The following SPOCK3 variants were observed in gnomAD, a reference collection of about 807,000 sequenced individuals.
SPOCK3 encodes testican-3.
Under a neutral mutation model 56.6 loss-of-function variants are expected in SPOCK3, and 30 were observed. The ratio of observed to expected loss-of-function variants is 0.53; its 90% CI spans 0.40 to 0.72. The LOEUF (loss-of-function observed/expected upper bound fraction) is 0.72. SPOCK3 is among the 30% of genes least tolerant of loss of function. The probability of loss-of-function intolerance (pLI) is 0.00; values close to 1 mark genes in which losing one functional copy is unlikely to be tolerated. For missense variants in SPOCK3, 527 were observed against 530.0 expected, an observed-to-expected ratio of 0.99 and a Z score of 0.06; for synonymous variants, 196 against 183.3, an observed-to-expected ratio of 1.07 and a Z score of -0.56.
chr4:166,899,000 A>G (rs968539611), intron 5 of SPOCK3, among the ~76,000 whole-genome samples: 2 of 152,030 alleles, frequency 1.3e-5, no homozygotes, highest in Non-Finnish European at 2.9e-5. Flanking sequence ...AGGCCTAGGC[A>G]GTGCAAATTG....
chr4:166,743,635 T>A (rs1735165356), intron 8 of SPOCK3, among the ~76,000 whole-genome samples: 1 of 152,142 alleles, frequency 6.6e-6, no homozygotes, highest in Admixed American at 6.6e-5. Context: ...CCACAGAGTA[T>A]GAGCCGAAGC....
chr4:166,880,815 C>A (rs1257173771), intron 6 of SPOCK3, among the ~76,000 whole-genome samples: 1 of 152,142 alleles, frequency 6.6e-6, no homozygotes, highest in African/African-American at 2.4e-5. Flanking sequence ...TCAATTCTTA[C>A]CAACTTCCTA....
At position 166,892,501 on chromosome 4, in the gene SPOCK3, A is replaced by G. The variant is rs550574995; in HGVS notation, c.475-3257T>C. 1.4e-4 allele frequency among the ~76,000 whole-genome samples: 22 copies of G among 152,176 alleles called. No homozygotes were observed. In the East Asian group the frequency reaches 4.2e-3, roughly 29 times the overall value. ...TGGAGAATTTTACTCAAAGAATATT[A>G]GGACATTAAAAAATGCTACTTTAAA... On this transcript the variant is annotated intron_variant, in intron 5 of 10. Transcript: ENST00000357545.
At chr4:167,135,325 C>T (rs1457398444) in intron 2 of SPOCK3, among the ~76,000 whole-genome samples, 1 of 151,952 alleles carries the variant, frequency 6.6e-6, no homozygotes, top group Non-Finnish European at 1.5e-5. Context: ...TAAGAGATGA[C>T]AATGTTCAAT....
At chr4:167,019,769 G>A (rs374421252) in intron 3 of SPOCK3, among the ~76,000 whole-genome samples, 3 of 152,048 alleles carry the variant, frequency 2.0e-5, no homozygotes, top group East Asian at 1.9e-4. Context: ...TTCATTTTCC[G>A]ACCTTCTTTT....
intron 4 of SPOCK3, among the ~76,000 whole-genome samples, chr4:166,951,766 G>A (rs1289088210): frequency 1.3e-5 from 2 of 150,564 alleles, no homozygotes; most frequent in East Asian, 3.9e-4. Flanking sequence ...TGGGATGCAA[G>A]GCGGGTTCAA....
chr4:167,146,435 T>A (rs1243464034), intron 2 of SPOCK3, among the ~76,000 whole-genome samples: 2 of 152,022 alleles, frequency 1.3e-5, no homozygotes, highest in Non-Finnish European at 2.9e-5. Context: ...ATCCAGGAGT[T>A]GAACTCAGCT....
intron 2 of SPOCK3, among the ~76,000 whole-genome samples, chr4:167,178,895 T>C (rs1489413420): frequency 6.6e-6 from 1 of 152,122 alleles, no homozygotes; most frequent in African/African-American, 2.4e-5. Flanking sequence ...AAGAGAATTG[T>C]TTAATTGGTT....
At chr4:166,839,100 T>TG (rs969163728) in intron 6 of SPOCK3, among the ~76,000 whole-genome samples, 3 of 152,170 alleles carry the variant, frequency 2.0e-5, no homozygotes, top group African/African-American at 7.2e-5. Context: ...CCTAGACATT[T>TG]GGGGTACTAA....
chr4:166,771,477 G>A (rs1738922635), intron 7 of SPOCK3, among the ~76,000 whole-genome samples: 1 of 152,032 alleles, frequency 6.6e-6, no homozygotes, highest in Admixed American at 6.6e-5. Flanking sequence ...GCAAGGTAGT[G>A]GTAGAACACA....
chr4:167,026,738 G>A (rs368912151), intron 3 of SPOCK3, among the ~76,000 whole-genome samples: 226 of 151,182 alleles, frequency 1.5e-3, no homozygotes, highest in African/African-American at 5.1e-3. Flanking sequence ...TATGCATTTT[G>A]AATATAATTC....
intron 6 of SPOCK3, 84 bp downstream of exon 6, chr4:166,889,046 G>T (rs1734488893): frequency 1.2e-6 from 1 of 811,998 alleles, no homozygotes; most frequent in Non-Finnish European, 2.1e-6. Flanking sequence ...AAACTTCATT[G>T]TGTATTTAAT....
intron 4 of SPOCK3, among the ~76,000 whole-genome samples, chr4:166,948,786 CA>C (rs1208919938): frequency 6.6e-6 from 1 of 152,050 alleles, no homozygotes; most frequent in African/African-American, 2.4e-5. Flanking sequence ...TTTTTTCCTT[CA>C]TTTCAACTTT....
At chr4:167,151,881 A>C (rs1438072027) in intron 2 of SPOCK3, among the ~76,000 whole-genome samples, 1 of 152,204 alleles carries the variant, frequency 6.6e-6, no homozygotes, top group Non-Finnish European at 1.5e-5. Flanking sequence ...TTTCATTGCT[A>C]TGCTCTGCTA....
At chr4:166,826,417 A>C (rs1745488099) in intron 6 of SPOCK3, among the ~76,000 whole-genome samples, 1 of 152,106 alleles carries the variant, frequency 6.6e-6, no homozygotes, top group African/African-American at 2.4e-5. Flanking sequence ...GAATATGATA[A>C]TTTAATAGAC....
chr4:166,929,339 C>T (rs1739473529), intron 4 of SPOCK3, among the ~76,000 whole-genome samples: 1 of 152,136 alleles, frequency 6.6e-6, no homozygotes, highest in Non-Finnish European at 1.5e-5. Flanking sequence ...GATTTTCATG[C>T]ATATTCTAAA....
intron 2 of SPOCK3, among the ~76,000 whole-genome samples, chr4:167,108,827 C>T (rs1760422476): frequency 6.7e-6 from 1 of 148,674 alleles, no homozygotes; most frequent in African/African-American, 2.5e-5. Context: ...GTTTGTTACA[C>T]AAAGGATACA....
Position 166,856,045 on chromosome 4 carries a change from T to A in SPOCK3, c.589+33085A>T, listed in dbSNP as rs1241884557. ...GACAAATATGGCAGGTACAGCAAGA[T>A]AAGTATGGCAGACAGAAAGAAAGAC... On this transcript the variant is annotated intron_variant, in intron 6 of 10. Transcript: ENST00000357545. 3.3e-5 allele frequency among the ~76,000 whole-genome samples: 5 copies of A among 151,948 alleles called. No individual in the cohort carries two copies. In the South Asian group the frequency reaches 8.3e-4, roughly 25 times the overall value.
At chr4:167,230,690 T>C (rs1388630436) in intron 2 of SPOCK3, among the ~76,000 whole-genome samples, 2 of 152,118 alleles carry the variant, frequency 1.3e-5, no homozygotes, top group Non-Finnish European at 2.9e-5. Flanking sequence ...TAAGTGAAAC[T>C]TGTATGCTTT....
Sources: allele counts gnomAD v4.1 joint callset (sites outside exome capture counted in the v4.1 genomes callset), GRCh38; gene constraint gnomAD v4.1.1; transcripts MANE v1.5; gene names NCBI Gene and HGNC (gene_info 2026-07-23, HGNC 2026-07-21).